Variants in RERE observed in about 807,000 individuals in gnomAD.
RERE encodes arginine-glutamic acid dipeptide repeats protein.
RERE carries 40 observed loss-of-function variants against 146.1 expected under a neutral mutation model. That is an observed-to-expected ratio of 0.27 (90% CI 0.21 to 0.36). The LOEUF (loss-of-function observed/expected upper bound fraction) is 0.36. RERE is among the 10% of genes least tolerant of loss of function. RERE has a pLI of 1.00. For synonymous variants in RERE, 1,003 were observed against 866.0 expected (o/e 1.16, Z -2.78); for missense variants, 1,933 against 2,138.7 (o/e 0.90, Z 1.90).
rs544245594 is a variant in RERE, at chr1:8,550,109, TCA to T, written c.725+6364_725+6365del. 3.9e-4 allele frequency among the ~76,000 whole-genome samples: 59 copies of T among 152,320 alleles called. No homozygotes were observed. The East Asian group carries it at 0.01, about 26-fold the overall frequency. On this transcript the variant is annotated intron_variant, in intron 6 of 22. Transcript: ENST00000400908. ...ACTGTACTATAGTTGTAGAAGAAGTTCACATTGTGGGAGGTTAGGGGAGGGAT... is the reference window on the plus strand; with the variant it reads ...ACTGTACTATAGTTGTAGAAGAAGTTCATTGTGGGAGGTTAGGGGAGGGAT...
chr1:8,411,678 T>C (rs529600923), intron 12 of RERE, among the ~76,000 whole-genome samples: 1 of 152,272 alleles, frequency 6.6e-6, no homozygotes, highest in South Asian at 2.1e-4. Flanking sequence ...AAATTCCTGA[T>C]CTACAAAATT....
At chr1:8,495,312 A>ATT (rs111493554) in intron 9 of RERE, 150 bp from the exon 10 acceptor site, 2,078 of 377,654 alleles carry the variant, frequency 5.5e-3, no homozygotes, top group Middle Eastern at 8.5e-3. Context: ...CTCTGCTCCT[A>ATT]TTTTTTTTTT....
At chr1:8,596,394 T>A (rs1646555486) in intron 4 of RERE, among the ~76,000 whole-genome samples, 1 of 152,172 alleles carries the variant, frequency 6.6e-6, no homozygotes, top group African/African-American at 2.4e-5. Context: ...ATACAAACCA[T>A]CTCCAATCAG....
intron 1 of RERE, among the ~76,000 whole-genome samples, chr1:8,761,658 CT>C (rs1220971193): frequency 6.6e-6 from 1 of 152,200 alleles, no homozygotes; most frequent in Non-Finnish European, 1.5e-5. Context: ...TGGCTCATGC[CT>C]GTAATCCCAG....
At chr1:8,365,405 A>G (rs1372072741) in intron 13 of RERE, among the ~76,000 whole-genome samples, 5 of 152,190 alleles carry the variant, frequency 3.3e-5, no homozygotes, top group Admixed American at 1.3e-4. Flanking sequence ...AAGCAGGAGG[A>G]AAAAGAAGAA....
chr1:8,502,838 T>C (rs1052347690), intron 8 of RERE, among the ~76,000 whole-genome samples: 3 of 148,882 alleles, frequency 2.0e-5, no homozygotes, highest in Non-Finnish European at 3.0e-5. Flanking sequence ...CAGGGTTAAA[T>C]GGATTAAGGG....
At position 8,624,352 on chromosome 1, in the gene RERE, T is replaced by G; in HGVS notation, c.354A>C (p.Pro118=). The G allele has an allele frequency of 1.2e-6, 2 of 1,611,582 alleles. No individual in the cohort carries two copies. The highest frequency in any genetic ancestry group is 1.7e-6 in the Non-Finnish European group (2 of 1,179,504). ...GDCVYIESRR[P]NTPYFICSIQ... is the part of the protein sequence containing the mutation. ...TGCTACAGATGAAATACGGTGTGTT[T>G]GGCCTCCGACTCTCGATATACACAC... Residue 118 remains proline (P), a synonymous_variant, in exon 3 of 23, where the codon CCA becomes CCC. Transcript: ENST00000400908.
intron 11 of RERE, among the ~76,000 whole-genome samples, chr1:8,459,016 G>T (rs960464849): frequency 1.3e-4 from 20 of 152,218 alleles, no homozygotes; most frequent in Admixed American, 1.2e-3. Context: ...AGAACTGACT[G>T]CCTTACACCA....
At chr1:8,516,227 G>GGAAAAAAAAAAA (rs573135224) in intron 7 of RERE, among the ~76,000 whole-genome samples, 6 of 52,306 alleles carry the variant, frequency 1.1e-4, no homozygotes, top group African/African-American at 4.3e-4. Context: ...TCTCTCAGAG[G>GGAAAAAAAAAAA]AAAAAAAAAA....
At chr1:8,439,402 C>T (rs1410650455) in intron 11 of RERE, among the ~76,000 whole-genome samples, 1 of 152,136 alleles carries the variant, frequency 6.6e-6, no homozygotes, top group Non-Finnish European at 1.5e-5. Context: ...AATGCATCTC[C>T]GTAGCTTCAA....
At chr1:8,731,087 A>G (rs1640069859) in intron 1 of RERE, among the ~76,000 whole-genome samples, 1 of 152,238 alleles carries the variant, frequency 6.6e-6, no homozygotes, top group Non-Finnish European at 1.5e-5. Context: ...AGATCAGATT[A>G]CCAGAAGCAA....
intron 12 of RERE, among the ~76,000 whole-genome samples, chr1:8,382,584 C>T (rs758587780): frequency 2.0e-5 from 3 of 152,142 alleles, no homozygotes; most frequent in African/African-American, 4.8e-5. Flanking sequence ...CTCCTATGAA[C>T]GGAACATAAC....
At chr1:8,701,287 TACAC>T (rs745905637) in intron 1 of RERE, among the ~76,000 whole-genome samples, 1,216 of 93,700 alleles carry the variant, frequency 0.013, 12 homozygotes, top group Admixed American at 0.025. Context: ...GTGAGGGGAA[TACAC>T]ACACACACAC....
intron 17 of RERE, 44 bp from the exon 18 acceptor site, chr1:8,361,534 G>A (rs369230254): frequency 1.3e-6 from 2 of 1,596,940 alleles, no homozygotes; most frequent in African/African-American, 1.3e-5. Flanking sequence ...GGAGGGCAGA[G>A]CCCTGTCTGC....
intron 8 of RERE, among the ~76,000 whole-genome samples, chr1:8,508,145 A>C (rs1439753335): frequency 6.6e-6 from 1 of 152,234 alleles, no homozygotes; most frequent in Non-Finnish European, 1.5e-5. Flanking sequence ...AAAAGGATAG[A>C]AATTCTGACA....
chr1:8,520,753 T>A (rs11581485), intron 7 of RERE, among the ~76,000 whole-genome samples: 2,760 of 78,246 alleles, frequency 0.035, 82 homozygotes, highest in African/African-American at 0.09. Context: ...AAAAAACTTT[T>A]TAAAAAAAAA....
At chr1:8,482,654 C>A (rs1222369111) in intron 10 of RERE, among the ~76,000 whole-genome samples, 1 of 134,772 alleles carries the variant, frequency 7.4e-6, no homozygotes, top group Non-Finnish European at 1.5e-5. Flanking sequence ...TGCACTCGAG[C>A]CTGGGCAACA....
At chr1:8,786,904 G>A (rs980734277) in intron 1 of RERE, 6 of 856,742 alleles carry the variant, frequency 7.0e-6, no homozygotes, top group East Asian at 2.4e-5. Flanking sequence ...TGGCACAACA[G>A]GAACCTTCTT....
chr1:8,358,499 G>A lies in RERE; in HGVS notation c.4036C>T (p.His1346Tyr). 1 of 1,589,258 alleles carries A rather than the reference G, an allele frequency of 6.3e-7. No individual in the cohort carries two copies. Among genetic ancestry groups the A allele is most frequent in the Non-Finnish European group, 8.6e-7 (1 of 1,168,356 alleles). Reference protein sequence around the residue: ...PLHPAANPMEHFARHSALTIP... With the variant: ...PLHPAANPMEYFARHSALTIP... ...GTGAGGGCGCTGTGCCGGGCAAAGT[G>A]CTCCATGGGGTTGGCGGCTGGGTGC... is the stretch of plus-strand genomic sequence containing the variant. Residue 1346 changes from histidine to tyrosine, a missense_variant, in exon 20 of 23, where the codon CAC becomes TAC. Physicochemically the swap from His to Tyr is moderately conservative, Grantham distance 83 (BLOSUM62 2). Around this residue, in one of 11 missense-constraint regions of RERE, gnomAD observed 1,255 missense variants for 1,153.8 expected, o/e 1.09. Transcript: ENST00000400908.
Sources: allele counts gnomAD v4.1 joint callset (sites outside exome capture counted in the v4.1 genomes callset), GRCh38; gene constraint gnomAD v4.1.1; regional missense constraint gnomAD v4.1.1; transcripts MANE v1.5; gene names NCBI Gene and HGNC (gene_info 2026-07-23, HGNC 2026-07-21).